The following MS4A15 variants were observed in gnomAD, a reference collection of about 807,000 sequenced individuals.
The protein encoded by MS4A15 is membrane-spanning 4-domains subfamily A member 15.
In MS4A15, 22 loss-of-function variants were observed where a neutral mutation model predicts 20.6. The ratio of observed to expected loss-of-function variants is 1.07; its 90% CI spans 0.76 to 1.52. The LOEUF (loss-of-function observed/expected upper bound fraction) is 1.52. MS4A15 is among the 40% of genes most tolerant of loss of function. MS4A15 has a pLI of 0.00. For synonymous variants in MS4A15, 129 were observed against 129.3 expected, an observed-to-expected ratio of 1.00 and a Z score of 0.02; for missense variants, 312 against 323.0, an observed-to-expected ratio of 0.97 and a Z score of 0.26.
At chr11:60,764,597 G>A (rs1415354443) in intron 2 of MS4A15, among the ~76,000 whole-genome samples, 1 of 152,212 alleles carries the variant, frequency 6.6e-6, no homozygotes, top group Non-Finnish European at 1.5e-5. Context: ...ACGTGTGTGT[G>A]TATACATGTA....
chr11:60,773,603 A>G, intron 5 of MS4A15, 119 bp downstream of exon 5: 1 of 883,374 alleles, frequency 1.1e-6, no homozygotes, highest in African/African-American at 1.6e-5. Flanking sequence ...GCCAGTCCCT[A>G]TAGACCCCAT....
Position 60,769,829 on chromosome 11 carries a change from G to A in MS4A15, c.349-1462G>A, listed in dbSNP as rs553817273. Reference sequence around the variant, plus strand: ...TCCAGAGCATAGCCTGAGTGTGTCCGCTTCTTCCCACCCCCATGGCCACCA... The same window carrying A: ...TCCAGAGCATAGCCTGAGTGTGTCCACTTCTTCCCACCCCCATGGCCACCA... On this transcript the variant is annotated intron_variant, in intron 3 of 6. Transcript: ENST00000405633. 9.2e-5 allele frequency among the ~76,000 whole-genome samples: 14 copies of A among 152,232 alleles called. No homozygotes were observed. The South Asian group carries it at 1.7e-3, about 18-fold the overall frequency.
At chr11:60,774,337 G>C (rs899376982) in intron 6 of MS4A15, among the ~76,000 whole-genome samples, 5 of 152,222 alleles carry the variant, frequency 3.3e-5, no homozygotes, top group African/African-American at 9.6e-5. Flanking sequence ...AGGATCGCTT[G>C]AGCCCAGGAG....
At chr11:60,770,089 G>A (rs1332892426) in intron 3 of MS4A15, among the ~76,000 whole-genome samples, 1 of 152,168 alleles carries the variant, frequency 6.6e-6, no homozygotes, top group Non-Finnish European at 1.5e-5. Context: ...AGTGTGTCAG[G>A]CGACTGCCAA....
Position 60,771,301 on chromosome 11 carries a change from C to T in MS4A15, c.359C>T (p.Ser120Phe), listed in dbSNP as rs765476999. The T allele has an allele frequency of 6.2e-6, 10 of 1,613,928 alleles. No individual in the cohort carries two copies. The South Asian group carries it at 1.1e-4, about 18-fold the overall frequency. Residue 120 changes from serine to phenylalanine, a missense_variant, in exon 4 of 7, where the codon TCC becomes TTC. By Grantham distance (155) the Ser-to-Phe change is radical (BLOSUM62 -2). Transcript: ENST00000405633. Reference sequence around the variant, plus strand: ...CCTCTCCCCATACAGTTCATCATCTCCGGATCCCTCTCAGTGGCAGCCGAG... The same window carrying T: ...CCTCTCCCCATACAGTTCATCATCTTCGGATCCCTCTCAGTGGCAGCCGAG... The part of the protein sequence containing the change: ...PFWGGACFII[S>F]GSLSVAAEKN...
rs76307175 is a variant in MS4A15 at position 60,767,632 on chromosome 11, G to A, written c.325G>A (p.Val109Ile). The change falls in exon 3 of 7, where the codon GTC becomes ATC. Residue 109 changes from valine to isoleucine, a missense_variant. Coordinates refer to ENST00000405633, the MANE Select transcript of MS4A15 (RefSeq NM_001098835.2). ...HVGIFFIEGG[V>I]PFWGGACFII... is the part of the protein sequence containing the mutation. ...GGGCATCTTCTTCATCGAGGGCGGC[G>A]TCCCCTTCTGGGGAGGAGCCTGCGT... 10,217 of 1,554,988 alleles carry A rather than the reference G, an allele frequency of 6.6e-3. 46 individuals are homozygous for A. The highest frequency in any genetic ancestry group is 7.6e-3 in the Non-Finnish European group (8,786 of 1,148,776).
At chr11:60,767,835 C>G (rs1390564080) in intron 3 of MS4A15, among the ~76,000 whole-genome samples, 180 bp downstream of exon 3, 1 of 152,196 alleles carries the variant, frequency 6.6e-6, no homozygotes, top group Non-Finnish European at 1.5e-5. Flanking sequence ...TCACCATAAA[C>G]TTGAGCCTGA....
intron 6 of MS4A15, among the ~76,000 whole-genome samples, chr11:60,774,872 A>C (rs1229174163): frequency 6.6e-6 from 1 of 152,166 alleles, no homozygotes; most frequent in East Asian, 1.9e-4. Context: ...GAGCTGGTTG[A>C]GGGAAATCAG....
intron 3 of MS4A15, among the ~76,000 whole-genome samples, chr11:60,769,603 G>C (rs1044294949): frequency 2.0e-5 from 3 of 152,104 alleles, no homozygotes; most frequent in Admixed American, 2.0e-4. Flanking sequence ...TGCTGAAAAG[G>C]CAACTCAGTA....
intron 6 of MS4A15, among the ~76,000 whole-genome samples, chr11:60,775,216 C>T (rs1854157332): frequency 6.6e-6 from 1 of 151,784 alleles, no homozygotes; most frequent in Admixed American, 6.6e-5. Flanking sequence ...ACTCGGGAGG[C>T]TGAGGCAGGA....
chr11:60,758,897 G>A (rs1406962152), intron 1 of MS4A15, among the ~76,000 whole-genome samples: 1 of 152,206 alleles, frequency 6.6e-6, no homozygotes, highest in Non-Finnish European at 1.5e-5. Context: ...ACAAAATCCA[G>A]GAACATTTTA....
chr11:60,774,881 A>G (rs998898036), intron 6 of MS4A15, among the ~76,000 whole-genome samples: 1 of 152,218 alleles, frequency 6.6e-6, no homozygotes, highest in Non-Finnish European at 1.5e-5. Flanking sequence ...GAGGGAAATC[A>G]GTCAAGAGGA....
intron 3 of MS4A15, among the ~76,000 whole-genome samples, chr11:60,770,196 C>G (rs914851264): frequency 6.6e-6 from 1 of 152,152 alleles, no homozygotes; most frequent in African/African-American, 2.4e-5. Context: ...ACCCTGACAC[C>G]CACCCAACCT....
chr11:60,756,889 T>G lies in MS4A15; in HGVS notation c.-198T>G, dbSNP rs1385969970. 1 of 152,222 alleles carries G rather than the reference T, an allele frequency of 6.6e-6. No homozygotes were observed. Among genetic ancestry groups the G allele is most frequent in the Non-Finnish European group, 1.5e-5 (1 of 68,050 alleles). 9.4% of individuals were successfully genotyped at this position (152,222 alleles called of 1,614,324 possible). On this transcript the variant is annotated 5_prime_UTR_variant, in exon 1 of 7. Coordinates refer to ENST00000405633, the MANE Select transcript of MS4A15 (RefSeq NM_001098835.2). ...GGCAGGCTCTCACAAGGGCGGGCTC[T>G]CAGAAGAGCTGCCCCCACCCCCTCT...
At chr11:60,773,723 C>A in intron 5 of MS4A15, 114 bp from the exon 6 acceptor site, 2 of 932,606 alleles carry the variant, frequency 2.1e-6, no homozygotes, top group Non-Finnish European at 3.5e-6. Flanking sequence ...GGACTGGCTC[C>A]AGGCACAGCT....
intron 3 of MS4A15, among the ~76,000 whole-genome samples, chr11:60,768,820 G>T (rs373489515): frequency 6.6e-6 from 1 of 152,188 alleles, no homozygotes; most frequent in Non-Finnish European, 1.5e-5. Flanking sequence ...CATAAAAGGG[G>T]TCTCCATTGT....
At chr11:60,771,252 C>A in intron 3 of MS4A15, 39 bp from the exon 4 acceptor site, 2 of 1,611,250 alleles carry the variant, frequency 1.2e-6, no homozygotes, top group East Asian at 2.2e-5. Context: ...TGCCCAGGGT[C>A]CTGGCTGAGG....
chr11:60,760,862 G>GGACA (rs1853720851), intron 1 of MS4A15, among the ~76,000 whole-genome samples: 1 of 152,204 alleles, frequency 6.6e-6, no homozygotes, highest in South Asian at 2.1e-4. Flanking sequence ...CATTACCTGG[G>GGACA]GACAGCTAAA....
chr11:60,761,474 C>A (rs1323430166), intron 1 of MS4A15, among the ~76,000 whole-genome samples: 1 of 152,180 alleles, frequency 6.6e-6, no homozygotes, highest in African/African-American at 2.4e-5. Context: ...TGGTCTCCAT[C>A]CAGACAGCCT....
Sources: gnomAD v4.1 joint callset for allele counts (sites outside exome capture counted in the v4.1 genomes callset) on GRCh38, gnomAD v4.1.1 for gene constraint, MANE v1.5 for transcripts, NCBI Gene and HGNC (gene_info 2026-07-23, HGNC 2026-07-21) for gene names.